The following MED12L variants were observed in gnomAD, a reference collection of about 807,000 sequenced individuals.
MED12L encodes mediator of RNA polymerase II transcription subunit 12-like protein.
Under a neutral mutation model 281.3 loss-of-function variants are expected in MED12L, and 60 were observed. That is an observed-to-expected ratio of 0.21 (90% confidence interval 0.17 to 0.26). The LOEUF (loss-of-function observed/expected upper bound fraction) is 0.26, where lower values mean the gene tolerates loss of function less well. Among genes scored for constraint, MED12L ranks in the 10% least tolerant of loss-of-function variants. MED12L has a pLI of 1.00. For synonymous variants in MED12L, 974 were observed against 987.2 expected, an observed-to-expected ratio of 0.99 and a Z score of 0.25; for missense variants, 2,146 against 2,680.9, an observed-to-expected ratio of 0.80 and a Z score of 4.41.
At chr3:151,394,506 T>C in intron 38 of MED12L, 150 bp from the exon 39 acceptor site, 2 of 1,175,552 alleles carry the variant, frequency 1.7e-6, no homozygotes, top group South Asian at 3.1e-5. Context: ...TCAACAGGTC[T>C]ATAATATTTG....
At chr3:151,229,552 C>T (rs1452178236) in intron 16 of MED12L, among the ~76,000 whole-genome samples, 2 of 140,982 alleles carry the variant, frequency 1.4e-5, no homozygotes, top group South Asian at 2.3e-4. Context: ...GATCTTGGCT[C>T]ACTGCAAGAT....
At chr3:151,371,176 A>G (rs1756139117) in intron 26 of MED12L, among the ~76,000 whole-genome samples, 2 of 152,090 alleles carry the variant, frequency 1.3e-5, no homozygotes, top group Non-Finnish European at 2.9e-5. Flanking sequence ...TCTTATTTGC[A>G]GAAGCTCTAA....
chr3:151,409,400 G>A, intron 40 of MED12L, 68 bp downstream of exon 40: 2 of 1,395,986 alleles, frequency 1.4e-6, no homozygotes, highest in South Asian at 1.2e-5. Flanking sequence ...GGGAAATTAA[G>A]TAAATAGAAT....
chr3:151,196,492 G>C (rs185831072), intron 16 of MED12L, among the ~76,000 whole-genome samples: 208 of 152,230 alleles, frequency 1.4e-3, no homozygotes, highest in Non-Finnish European at 1.7e-3. Flanking sequence ...ACTAAATGAA[G>C]ACCAAAGAGA....
At chr3:151,393,189 C>T (rs775483416) in intron 38 of MED12L, among the ~76,000 whole-genome samples, 1 of 152,116 alleles carries the variant, frequency 6.6e-6, no homozygotes, top group Non-Finnish European at 1.5e-5. Context: ...ACAGGAACAT[C>T]TCTGCTTTTT....
intron 14 of MED12L, among the ~76,000 whole-genome samples, chr3:151,192,130 A>C (rs952488304): frequency 6.6e-6 from 1 of 152,190 alleles, no homozygotes; most frequent in Non-Finnish European, 1.5e-5. Context: ...CTAAAAACTG[A>C]AGTTCCTTTA....
chr3:151,128,928 A>G (rs2148808313), intron 5 of MED12L, among the ~76,000 whole-genome samples: 1 of 152,308 alleles, frequency 6.6e-6, no homozygotes, highest in South Asian at 2.1e-4. Context: ...CATGGTCAGT[A>G]TTTTGAGTCA....
At chr3:151,372,242 C>T (rs916510177) in intron 26 of MED12L, among the ~76,000 whole-genome samples, 2 of 152,180 alleles carry the variant, frequency 1.3e-5, no homozygotes, top group Non-Finnish European at 2.9e-5. Context: ...TGAATACATT[C>T]ATGCTTGAAA....
At chr3:151,293,638 TACACACACACACACACACACACACAC>T (rs199892582) in intron 16 of MED12L, among the ~76,000 whole-genome samples, 1 of 99,748 alleles carries the variant, frequency 1.0e-5, no homozygotes, top group South Asian at 3.5e-4. Flanking sequence ...ATGAAGCCCT[TACACACACACACACACACACACACAC>T]ACACACACAC....
chr3:151,216,026 G>A (rs1307237751), intron 16 of MED12L, among the ~76,000 whole-genome samples: 1 of 152,138 alleles, frequency 6.6e-6, no homozygotes, highest in African/African-American at 2.4e-5. Flanking sequence ...GCCTGGTTTG[G>A]GGTGGGTTGA....
At chr3:151,146,935 A>G (rs1446787108) in intron 5 of MED12L, among the ~76,000 whole-genome samples, 1 of 152,178 alleles carries the variant, frequency 6.6e-6, no homozygotes, top group Non-Finnish European at 1.5e-5. Flanking sequence ...GCACTGAGGC[A>G]GCAGTTTTCA....
At chr3:151,265,675 T>G (rs1164359217) in intron 16 of MED12L, among the ~76,000 whole-genome samples, 2 of 152,214 alleles carry the variant, frequency 1.3e-5, no homozygotes, top group Non-Finnish European at 2.9e-5. Flanking sequence ...GTTTCTTGGC[T>G]GGCTTCTGGC....
intron 16 of MED12L, among the ~76,000 whole-genome samples, chr3:151,290,477 C>T (rs1254768523): frequency 6.6e-6 from 1 of 152,130 alleles, no homozygotes; most frequent in Non-Finnish European, 1.5e-5. Flanking sequence ...TTTTATTTAA[C>T]ACTGGTAGTC....
At chr3:151,157,861 T>C in intron 6 of MED12L, among the ~76,000 whole-genome samples, 1 of 152,198 alleles carries the variant, frequency 6.6e-6, no homozygotes, top group East Asian at 1.9e-4. Context: ...AGAATGACCA[T>C]AAAAGTATAT....
intron 16 of MED12L, chr3:151,200,786 A>G (rs900669026): frequency 6.6e-6 from 1 of 152,248 alleles, no homozygotes; most frequent in African/African-American, 2.4e-5. Flanking sequence ...GTTGGTTTGT[A>G]TCTGGCACTA....
At chr3:151,250,029 T>C (rs998226812) in intron 16 of MED12L, among the ~76,000 whole-genome samples, 3 of 152,142 alleles carry the variant, frequency 2.0e-5, no homozygotes, top group Non-Finnish European at 4.4e-5. Context: ...CTCAAAGCTC[T>C]CCCTTAAATG....
At chr3:151,147,612 A>G (rs139154889) in intron 5 of MED12L, among the ~76,000 whole-genome samples, 1 of 152,300 alleles carries the variant, frequency 6.6e-6, no homozygotes, top group Non-Finnish European at 1.5e-5. Flanking sequence ...ATTATACAAC[A>G]TGTGGTCCTT....
rs148584486 is a variant in MED12L at position 151,191,767 on chromosome 3, G to A, written c.1969-783G>A. On this transcript the variant is annotated intron_variant, in intron 14 of 44. Transcript: ENST00000687756. ...ACCAAAAATACAAAATTAGCCGGGC[G>A]TGGTGGCACATGCCTGTAGTCCCAG... Among the ~76,000 whole-genome samples, 877 of 152,264 alleles carry A rather than the reference G, an allele frequency of 5.8e-3. 3 individuals are homozygous for A. The highest frequency in any genetic ancestry group is 0.02 in the African/African-American group (839 of 41,548).
At chr3:151,386,252 TC>T (rs1305143385) in intron 36 of MED12L, among the ~76,000 whole-genome samples, 2 of 152,226 alleles carry the variant, frequency 1.3e-5, no homozygotes, top group African/African-American at 4.8e-5. Context: ...TCAGCGGACT[TC>T]CTGGTAGTAA....
Sources: gnomAD v4.1 joint callset for allele counts (sites outside exome capture counted in the v4.1 genomes callset) on GRCh38, gnomAD v4.1.1 for gene constraint, MANE v1.5 for transcripts, NCBI Gene and HGNC (gene_info 2026-07-23, HGNC 2026-07-21) for gene names.